Variants in ADGRE2 observed in about 807,000 individuals in gnomAD.
ADGRE2 encodes the protein CD97 antigen.
In ADGRE2, 83 loss-of-function variants were observed where a neutral mutation model predicts 100.8. The observed-to-expected ratio is 0.82, with a 90% CI of 0.69 to 0.99. The LOEUF is 0.99. Among genes scored for constraint, ADGRE2 ranks in the 50% least tolerant of loss-of-function variants. ADGRE2 has a pLI of 0.00. For synonymous variants in ADGRE2, 355 were observed against 413.0 expected (o/e 0.86, Z 1.70); for missense variants, 814 against 1,035.7 (o/e 0.79, Z 2.94).
chr19:14,729,470 C>T (rs2147048634), downstream of ADGRE2, among the ~76,000 whole-genome samples: 1 of 152,118 alleles, frequency 6.6e-6, no homozygotes, highest in East Asian at 1.9e-4. Context: ...GTGATCCTTC[C>T]TCCTCAGCCT....
intron 4 of ADGRE2, 73 bp from the exon 5 acceptor site, chr19:14,772,570 C>G: frequency 6.4e-7 from 1 of 1,562,174 alleles, no homozygotes; most frequent in South Asian, 1.1e-5. Flanking sequence ...CCCGTCCTGA[C>G]TCCCCAACAT....
chr19:14,762,948 G>A (rs981108099), intron 11 of ADGRE2, among the ~76,000 whole-genome samples: 7 of 152,204 alleles, frequency 4.6e-5, no homozygotes, highest in Non-Finnish European at 8.8e-5. Context: ...TTACAGGCAC[G>A]CCCCACGTGA....
intron 5 of ADGRE2, among the ~76,000 whole-genome samples, chr19:14,770,423 T>C (rs2044153741): frequency 6.6e-6 from 1 of 152,080 alleles, no homozygotes; most frequent in Non-Finnish European, 1.5e-5. Context: ...ATCAGCTTCT[T>C]TTCTTTATAC....
intron 7 of ADGRE2, 196 bp downstream of exon 7, chr19:14,766,039 C>T: frequency 1.7e-6 from 2 of 1,179,412 alleles, no homozygotes; most frequent in Non-Finnish European, 2.4e-6. Flanking sequence ...TGCCTGGGGT[C>T]CCCCTGAGCC....
chr19:14,772,162 G>T, intron 5 of ADGRE2, 180 bp downstream of exon 5: 1 of 816,670 alleles, frequency 1.2e-6, no homozygotes, highest in African/African-American at 1.7e-5. Flanking sequence ...GTTTTCCCTT[G>T]GCCTTCACAC....
intron 16 of ADGRE2, among the ~76,000 whole-genome samples, chr19:14,750,822 T>C (rs2043261807): frequency 6.6e-6 from 1 of 152,142 alleles, no homozygotes; most frequent in Non-Finnish European, 1.5e-5. Context: ...ACTATTATTA[T>C]TATTTTTTAG....
At chr19:14,725,349 A>G in the ADGRE2 span, among the ~76,000 whole-genome samples, 2 of 152,288 alleles carry the variant, frequency 1.3e-5, no homozygotes, top group East Asian at 3.9e-4. Context: ...GGAGGAGACA[A>G]ACATCTAAAC....
intron 11 of ADGRE2, among the ~76,000 whole-genome samples, chr19:14,760,807 A>C (rs1015459415): frequency 6.6e-6 from 1 of 152,090 alleles, no homozygotes; most frequent in African/African-American, 2.4e-5. Flanking sequence ...CATTTAACAT[A>C]ACACAGACCT....
intron 11 of ADGRE2, 52 bp downstream of exon 11, chr19:14,764,381 A>T (rs1461346629): frequency 6.4e-6 from 10 of 1,573,092 alleles, no homozygotes; most frequent in Non-Finnish European, 7.0e-6. Context: ...TGGGAAAGGA[A>T]GGAGACAGAA....
intron 18 of ADGRE2, among the ~76,000 whole-genome samples, chr19:14,745,264 C>T (rs2043053285): frequency 1.3e-5 from 2 of 152,230 alleles, no homozygotes; most frequent in African/African-American, 4.8e-5. Context: ...AGTTTTTAAC[C>T]TTTTAGTTTA....
In ADGRE2 at chr19:14,773,033, C is replaced by T. The variant is rs181417187; in HGVS notation, c.200-536G>A. ...GGTGGAGGTTGCGGTGAGCCGAGAT[C>T]GCGCCACTGCACTCCTCAGCCTGAG... On this transcript the variant is annotated intron_variant, in intron 4 of 20. Transcript: ENST00000315576. 3.3e-3 allele frequency among the ~76,000 whole-genome samples: 428 copies of T among 130,776 alleles called. 1 individual carries two copies. Among genetic ancestry groups the T allele is most frequent in the African/African-American group, 0.012 (410 of 34,286 alleles). 85.8% of individuals were successfully genotyped at this position (130,776 alleles called of 152,430 possible). A position where few individuals can be genotyped will look rare whatever the true frequency, so the allele number is the denominator to read the frequency against.
chr19:14,745,398 T>G (rs1199058685), intron 18 of ADGRE2, among the ~76,000 whole-genome samples: 1 of 152,202 alleles, frequency 6.6e-6, no homozygotes, highest in Non-Finnish European at 1.5e-5. Context: ...CTACCATTTG[T>G]ATGTGTTGGG....
intron 6 of ADGRE2, among the ~76,000 whole-genome samples, 181 bp from the exon 7 acceptor site, chr19:14,766,562 T>C (rs1449270737): frequency 6.6e-6 from 1 of 152,154 alleles, no homozygotes; most frequent in Non-Finnish European, 1.5e-5. Context: ...TCCTACCAGA[T>C]GGGCACAGCA....
chr19:14,774,347 G>T lies in ADGRE2; in HGVS notation c.32-41C>A, dbSNP rs753089128. On this transcript the variant is annotated intron_variant, in intron 2 of 20. Coordinates refer to ENST00000315576, the MANE Select transcript of ADGRE2 (RefSeq NM_013447.4). ...GAAAGGGGGTCAGAGGGGATCCCAG[G>T]GTGGGAAAGGAGGCGTAAGGGTGAT... The T allele has an allele frequency of 8.2e-6, 10 of 1,226,600 alleles. No homozygotes were observed. In the African/African-American group the frequency reaches 1.1e-4, roughly 13 times the overall value. 76.0% of individuals were successfully genotyped at this position (1,226,600 alleles called of 1,614,324 possible). A position where few individuals can be genotyped will look rare whatever the true frequency, so the allele number is the denominator to read the frequency against.
intron 6 of ADGRE2, among the ~76,000 whole-genome samples, chr19:14,766,753 G>C (rs1046834724): frequency 3.9e-5 from 6 of 152,212 alleles, no homozygotes; most frequent in Non-Finnish European, 5.9e-5. Flanking sequence ...AAGGGGTGAG[G>C]TCTGGGGGCC....
intron 12 of ADGRE2, 109 bp downstream of exon 12, chr19:14,756,129 C>T: frequency 2.1e-6 from 2 of 935,040 alleles, no homozygotes; most frequent in South Asian, 1.4e-5. Context: ...AGCCCCACTC[C>T]AAACATCCCA....
intron 20 of ADGRE2, among the ~76,000 whole-genome samples, chr19:14,739,829 A>C (rs2042873249): frequency 6.6e-6 from 1 of 152,108 alleles, no homozygotes. Flanking sequence ...GACTGGGCGC[A>C]GTGGCTCACG....
At chr19:14,762,804 T>C (rs2147365510) in intron 11 of ADGRE2, among the ~76,000 whole-genome samples, 1 of 151,966 alleles carries the variant, frequency 6.6e-6, no homozygotes, top group East Asian at 1.9e-4. Flanking sequence ...CCACCACGCC[T>C]GTCTAATTTT....
intron 11 of ADGRE2, among the ~76,000 whole-genome samples, chr19:14,756,914 A>AT (rs35330041): frequency 0.32 from 46,485 of 147,140 alleles, 7,505 homozygotes; most frequent in South Asian, 0.52. Flanking sequence ...TTTTTTGAGT[A>AT]TTTTTTTTTT....
Sources: gnomAD v4.1 joint callset for allele counts (sites outside exome capture counted in the v4.1 genomes callset) on GRCh38, gnomAD v4.1.1 for gene constraint, MANE v1.5 for transcripts, NCBI Gene and HGNC (gene_info 2026-07-23, HGNC 2026-07-21) for gene names.